NSMCE1: variants seen among roughly 807,000 people sequenced by gnomAD.
NSMCE1 encodes NSE1 component of SMC5/6 complex, also known as non-structural maintenance of chromosomes element 1 homolog.
NSMCE1 carries 18 observed loss-of-function variants against 29.6 expected under a neutral mutation model. The ratio of observed to expected loss-of-function variants is 0.61; its 90% CI spans 0.42 to 0.90. The LOEUF is 0.90. Among genes scored for constraint, NSMCE1 ranks in the 40% least tolerant of loss-of-function variants. NSMCE1 has a pLI of 0.00. For synonymous variants in NSMCE1, 124 were observed against 133.4 expected (o/e 0.93, Z 0.49); for missense variants, 314 against 343.6 (o/e 0.91, Z 0.68).
chr16:27,236,225 G>A (rs1468572876), intron 2 of NSMCE1, among the ~76,000 whole-genome samples: 1 of 152,072 alleles, frequency 6.6e-6, no homozygotes, highest in African/African-American at 2.4e-5. Context: ...GTGGCACCAG[G>A]AAGCCTCTGA....
intron 1 of NSMCE1, among the ~76,000 whole-genome samples, chr16:27,259,551 T>C (rs189721912): frequency 6.6e-6 from 1 of 152,224 alleles, no homozygotes; most frequent in African/African-American, 2.4e-5. Context: ...GAGATTATCC[T>C]CTTTGGCATC....
chr16:27,229,990 C>T (rs888102916), intron 5 of NSMCE1, among the ~76,000 whole-genome samples: 1 of 152,212 alleles, frequency 6.6e-6, no homozygotes, highest in Non-Finnish European at 1.5e-5. Context: ...GGAGGGATGC[C>T]CTAGCCCTCA....
intron 2 of NSMCE1, among the ~76,000 whole-genome samples, chr16:27,251,159 A>AATATATATAAAT (rs2084024339): frequency 1.5e-5 from 1 of 65,780 alleles, no homozygotes. Context: ...AATTATTTAA[A>AATATATATAAAT]ATATATATAT....
chr16:27,242,987 G>A lies in NSMCE1; in HGVS notation c.137-7688C>T, dbSNP rs77518320. 3.6e-3 allele frequency among the ~76,000 whole-genome samples: 553 copies of A among 152,304 alleles called. 3 individuals are homozygous for A. Among genetic ancestry groups the A allele is most frequent in the African/African-American group, 0.013 (531 of 41,566 alleles). ...TCCTCCTGCTCAGATTGCACTGAGC[G>A]AACTGAAAATGGACAAATCTGATGC... On this transcript the variant is annotated intron_variant, in intron 2 of 7. Transcript: ENST00000361439.
At chr16:27,251,174 A>ATT (rs2084026596) in intron 2 of NSMCE1, among the ~76,000 whole-genome samples, 1 of 50,904 alleles carries the variant, frequency 2.0e-5, no homozygotes, top group Non-Finnish European at 3.1e-5. Flanking sequence ...ATATATATAT[A>ATT]TATATATATA....
intron 6 of NSMCE1, 47 bp from the exon 7 acceptor site, chr16:27,225,893 T>C (rs372047559): frequency 3.7e-6 from 6 of 1,607,972 alleles, no homozygotes; most frequent in African/African-American, 2.7e-5. Flanking sequence ...CACACCTCCA[T>C]GTTCTGCAAA....
chr16:27,248,244 CCA>C (rs2083978607), intron 2 of NSMCE1, among the ~76,000 whole-genome samples: 1 of 152,070 alleles, frequency 6.6e-6, no homozygotes, highest in African/African-American at 2.4e-5. Context: ...TAGGAAATTG[CCA>C]CACTGTTTTC....
Position 27,240,987 on chromosome 16 carries a change from T to C in NSMCE1, c.137-5688A>G, listed in dbSNP as rs755758882. 4.7e-4 allele frequency among the ~76,000 whole-genome samples: 71 copies of C among 152,178 alleles called. 3 individuals carry two copies. Among genetic ancestry groups the C allele is most frequent in the Admixed American group, 1.0e-3 (16 of 15,274 alleles). On this transcript the variant is annotated intron_variant, in intron 2 of 7. Coordinates refer to ENST00000361439, the MANE Select transcript of NSMCE1 (RefSeq NM_145080.4). ...TACTTGGGAGGCTGAGGCAGGAGGA[T>C]AGCTTGAGCCCAGGAGTTGGAGACT...
chr16:27,245,202 T>A (rs2083942815), intron 2 of NSMCE1, among the ~76,000 whole-genome samples: 1 of 152,238 alleles, frequency 6.6e-6, no homozygotes, highest in South Asian at 2.1e-4. Context: ...GAAATGAATG[T>A]GATGTCCCTT....
chr16:27,265,671 A>C (rs1222995354), intron 1 of NSMCE1, among the ~76,000 whole-genome samples: 1 of 152,224 alleles, frequency 6.6e-6, no homozygotes, highest in East Asian at 1.9e-4. Context: ...CATTAAAACA[A>C]TATAATCATC....
chr16:27,248,411 T>C (rs1003115067), intron 2 of NSMCE1, among the ~76,000 whole-genome samples: 9 of 142,434 alleles, frequency 6.3e-5, no homozygotes, highest in African/African-American at 2.4e-4. Context: ...GTTTGCTTTT[T>C]TTTTTTTTTT....
intron 3 of NSMCE1, 45 bp downstream of exon 3, chr16:27,235,133 C>G (rs755950209): frequency 2.5e-6 from 4 of 1,599,488 alleles, no homozygotes; most frequent in Non-Finnish European, 8.5e-7. Context: ...GGGCCCTGTT[C>G]CAGCTCCTCA....
At chr16:27,227,104 CTCTG>C (rs1391275344) in intron 5 of NSMCE1, among the ~76,000 whole-genome samples, 6 of 152,274 alleles carry the variant, frequency 3.9e-5, no homozygotes, top group Non-Finnish European at 7.3e-5. Flanking sequence ...GACGTGACTT[CTCTG>C]TCTGCACGGC....
intron 2 of NSMCE1, among the ~76,000 whole-genome samples, chr16:27,244,355 A>G (rs1255623721): frequency 6.6e-6 from 1 of 152,122 alleles, no homozygotes; most frequent in African/African-American, 2.4e-5. Flanking sequence ...CCCACTCACT[A>G]CAGTCTGAAG....
intron 6 of NSMCE1, chr16:27,226,346 C>T (rs2083691149): frequency 4.2e-6 from 1 of 236,974 alleles, no homozygotes; most frequent in Non-Finnish European, 8.3e-6. Flanking sequence ...GCTGGTTCAG[C>T]GGTTGCAAAG....
chr16:27,225,873 G>A (rs764806437), intron 6 of NSMCE1, 27 bp from the exon 7 acceptor site: 21 of 1,612,450 alleles, frequency 1.3e-5, no homozygotes, highest in Admixed American at 6.7e-5. Flanking sequence ...CAATGACGGC[G>A]GAGCTGGTGC....
intron 5 of NSMCE1, among the ~76,000 whole-genome samples, chr16:27,229,447 G>A (rs558430063): frequency 6.6e-6 from 1 of 152,346 alleles, no homozygotes; most frequent in African/African-American, 2.4e-5. Context: ...CACCTGCTGT[G>A]GGGCCCAGCA....
chr16:27,268,015 T>C (rs1266768413), intron 1 of NSMCE1: 2 of 152,188 alleles, frequency 1.3e-5, no homozygotes, highest in Non-Finnish European at 2.9e-5. Context: ...AGTGCTGGAA[T>C]TATAGCCGTG....
At chr16:27,238,127 C>G (rs918162334) in intron 2 of NSMCE1, among the ~76,000 whole-genome samples, 3 of 152,196 alleles carry the variant, frequency 2.0e-5, no homozygotes, top group African/African-American at 7.2e-5. Context: ...CTTTCAGCAG[C>G]AACAGAGGTG....
Sources: allele counts gnomAD v4.1 joint callset (sites outside exome capture counted in the v4.1 genomes callset), GRCh38; gene constraint gnomAD v4.1.1; transcripts MANE v1.5; gene names NCBI Gene and HGNC (gene_info 2026-07-23, HGNC 2026-07-21).